The following LSAMP variants were observed in gnomAD, a reference collection of about 807,000 sequenced individuals.
LSAMP encodes the protein limbic system associated membrane protein.
Under a neutral mutation model 38.6 loss-of-function variants are expected in LSAMP, and 7 were observed. The observed-to-expected ratio is 0.18, with a 90% CI of 0.10 to 0.34. LSAMP has a LOEUF of 0.34. Among genes scored for constraint, LSAMP ranks in the 10% least tolerant of loss-of-function variants. The pLI is 1.00. For synonymous variants in LSAMP, 154 were observed against 166.8 expected (o/e 0.92, Z 0.59); for missense variants, 313 against 420.0 (o/e 0.75, Z 2.23).
intron 1 of LSAMP, among the ~76,000 whole-genome samples, chr3:116,247,103 C>T (rs1325559278): frequency 5.9e-5 from 9 of 152,174 alleles, no homozygotes; most frequent in Non-Finnish European, 1.0e-4. Context: ...GCAGGGCTTA[C>T]ATTCCATTTT....
intron 1 of LSAMP, among the ~76,000 whole-genome samples, chr3:116,327,217 C>A (rs1163081100): frequency 6.6e-6 from 1 of 152,142 alleles, no homozygotes; most frequent in Non-Finnish European, 1.5e-5. Context: ...CACTGAGTAA[C>A]AGGGAGCCAC....
intron 2 of LSAMP, among the ~76,000 whole-genome samples, chr3:116,073,183 T>C (rs534230746): frequency 7.2e-5 from 11 of 152,328 alleles, no homozygotes; most frequent in South Asian, 6.2e-4. Flanking sequence ...CCATTGCTTG[T>C]TTTTGTCAGG....
At chr3:115,943,907 A>T (rs928780580) in intron 3 of LSAMP, among the ~76,000 whole-genome samples, 1 of 152,176 alleles carries the variant, frequency 6.6e-6, no homozygotes, top group African/African-American at 2.4e-5. Context: ...CTCACCCTCT[A>T]GGAAAATACA....
intron 1 of LSAMP, among the ~76,000 whole-genome samples, chr3:116,145,688 C>A (rs750788970): frequency 1.9e-4 from 29 of 151,992 alleles, no homozygotes; most frequent in Middle Eastern, 3.4e-3. Flanking sequence ...CATAAATTAA[C>A]CATCATACAT....
intron 1 of LSAMP, among the ~76,000 whole-genome samples, chr3:116,272,475 T>C (rs147829645): frequency 2.0e-5 from 3 of 152,298 alleles, no homozygotes; most frequent in Non-Finnish European, 4.4e-5. Context: ...AGCAGTTTAA[T>C]ACAACTACTC....
rs1940773159 is a variant in LSAMP at position 116,025,635 on chromosome 3, G to C, written c.389-5995C>G. ...TTATTTCTGGTATGAGAAATAATCAGAGTTTTTTCCTCCCTATAATTTTTT... is the reference window on the plus strand; with the variant it reads ...TTATTTCTGGTATGAGAAATAATCACAGTTTTTTCCTCCCTATAATTTTTT... On this transcript the variant is annotated intron_variant, in intron 2 of 6. Transcript: ENST00000490035. Among the ~76,000 whole-genome samples the C allele has an allele frequency of 2.6e-5, 4 of 151,958 alleles. No homozygotes were observed. The South Asian group carries it at 8.3e-4, about 32-fold the overall frequency.
intron 1 of LSAMP, among the ~76,000 whole-genome samples, chr3:116,197,255 G>A (rs1175484736): frequency 6.6e-6 from 1 of 152,068 alleles, no homozygotes; most frequent in Non-Finnish European, 1.5e-5. Context: ...ATAAGTTTAG[G>A]AGAGAGACAA....
chr3:116,351,472 A>C (rs1183164776), intron 1 of LSAMP, among the ~76,000 whole-genome samples: 1 of 152,062 alleles, frequency 6.6e-6, no homozygotes, highest in East Asian at 1.9e-4. Context: ...GGGATTCTGA[A>C]GAATTTTCCA....
intron 3 of LSAMP, among the ~76,000 whole-genome samples, chr3:115,888,805 G>C (rs763608106): frequency 2.8e-4 from 43 of 151,910 alleles, no homozygotes; most frequent in Non-Finnish European, 7.4e-5. Context: ...AATAAGTGCA[G>C]AAAAGAGGAA....
chr3:116,195,429 G>A (rs1389207956), intron 1 of LSAMP, among the ~76,000 whole-genome samples: 1 of 151,860 alleles, frequency 6.6e-6, no homozygotes, highest in Non-Finnish European at 1.5e-5. Flanking sequence ...TCTCATATCA[G>A]TATTAATATA....
intron 3 of LSAMP, among the ~76,000 whole-genome samples, chr3:115,923,867 G>A (rs1414918831): frequency 1.3e-5 from 2 of 152,028 alleles, no homozygotes; most frequent in African/African-American, 4.8e-5. Context: ...TTTTATATTA[G>A]CATTCATATA....
chr3:116,135,893 C>T (rs1022193398), intron 1 of LSAMP, among the ~76,000 whole-genome samples: 2 of 152,162 alleles, frequency 1.3e-5, no homozygotes, highest in African/African-American at 4.8e-5. Context: ...TCTGCACTTT[C>T]CTGATTGATG....
intron 3 of LSAMP, among the ~76,000 whole-genome samples, chr3:116,000,912 A>G: frequency 6.6e-6 from 1 of 152,114 alleles, no homozygotes; most frequent in East Asian, 1.9e-4. Context: ...CTCTCATTCT[A>G]TTTCTGTTGT....
intron 1 of LSAMP, among the ~76,000 whole-genome samples, chr3:116,317,419 G>C (rs1269763575): frequency 6.6e-6 from 1 of 150,852 alleles, no homozygotes; most frequent in African/African-American, 2.4e-5. Flanking sequence ...GCAGTGGCGC[G>C]ATCTCGGCTC....
chr3:116,194,795 AAG>A (rs748488996), intron 1 of LSAMP, among the ~76,000 whole-genome samples: 68 of 152,296 alleles, frequency 4.5e-4, no homozygotes, highest in South Asian at 1.0e-3. Context: ...GTATGATACA[AAG>A]AGGGGCTTAT....
intron 1 of LSAMP, among the ~76,000 whole-genome samples, chr3:116,367,318 G>T (rs1170707503): frequency 2.0e-5 from 3 of 152,000 alleles, no homozygotes; most frequent in Non-Finnish European, 2.9e-5. Flanking sequence ...AGAGAAATCA[G>T]GAAGCCATCC....
intron 3 of LSAMP, among the ~76,000 whole-genome samples, chr3:115,944,282 T>C (rs1938024596): frequency 6.6e-6 from 1 of 152,170 alleles, no homozygotes; most frequent in Admixed American, 6.6e-5. Context: ...ATATCGACCC[T>C]AGGCAATTAA....
intron 2 of LSAMP, among the ~76,000 whole-genome samples, chr3:116,033,593 G>T (rs207463570): frequency 6.6e-6 from 1 of 152,096 alleles, no homozygotes; most frequent in Admixed American, 6.5e-5. Context: ...CTCACAAAAA[G>T]CAGTCTCTCC....
chr3:116,303,616 C>A (rs2107708849), intron 1 of LSAMP, among the ~76,000 whole-genome samples: 1 of 152,218 alleles, frequency 6.6e-6, no homozygotes, highest in Non-Finnish European at 1.5e-5. Flanking sequence ...AGATATTCAC[C>A]AACATCTCAG....
Sources: allele counts gnomAD v4.1 joint callset (sites outside exome capture counted in the v4.1 genomes callset), GRCh38; gene constraint gnomAD v4.1.1; transcripts MANE v1.5; gene names NCBI Gene and HGNC (gene_info 2026-07-23, HGNC 2026-07-21).